The following SCLT1 variants were observed in gnomAD, a reference collection of about 807,000 sequenced individuals.
The protein encoded by SCLT1 is sodium channel-associated protein 1.
Under a neutral mutation model 112.8 loss-of-function variants are expected in SCLT1, and 78 were observed. The observed-to-expected ratio is 0.69, with a 90% CI of 0.58 to 0.83. The LOEUF (loss-of-function observed/expected upper bound fraction) is 0.83, where lower values mean the gene tolerates loss of function less well. Among genes scored for constraint, SCLT1 ranks in the 40% least tolerant of loss-of-function variants. The probability of loss-of-function intolerance (pLI) is 0.00; values close to 1 mark genes in which losing one functional copy is unlikely to be tolerated. For synonymous variants in SCLT1, 257 were observed against 254.7 expected (o/e 1.01, Z -0.09); for missense variants, 747 against 770.4 (o/e 0.97, Z 0.36).
At chr4:128,897,426 C>T (rs977299051) in intron 18 of SCLT1, among the ~76,000 whole-genome samples, 21 of 151,120 alleles carry the variant, frequency 1.4e-4, no homozygotes, top group Non-Finnish European at 2.5e-4. Context: ...CCAAACTAAG[C>T]TTCATAAGTG....
At chr4:128,961,077 T>G (rs1248365306) in intron 11 of SCLT1, among the ~76,000 whole-genome samples, 1 of 152,136 alleles carries the variant, frequency 6.6e-6, no homozygotes, top group African/African-American at 2.4e-5. Flanking sequence ...CACTAAAAAT[T>G]TAATACAGCT....
intron 13 of SCLT1, among the ~76,000 whole-genome samples, chr4:128,955,998 A>G (rs970093330): frequency 3.3e-5 from 5 of 152,182 alleles, no homozygotes; most frequent in Admixed American, 2.6e-4. Context: ...TCTGGGACTG[A>G]CTATGAGAGT....
intron 7 of SCLT1, among the ~76,000 whole-genome samples, chr4:128,998,494 C>T (rs1579641813): frequency 1.3e-5 from 2 of 151,632 alleles, no homozygotes; most frequent in South Asian, 2.1e-4. Flanking sequence ...AAATAGATAA[C>T]CAGGGAAAAA....
intron 18 of SCLT1, among the ~76,000 whole-genome samples, chr4:128,903,588 C>G (rs1734483663): frequency 6.6e-6 from 1 of 151,164 alleles, no homozygotes; most frequent in Non-Finnish European, 1.5e-5. Context: ...TTATATTCTT[C>G]TTTCTCCAAA....
chr4:128,949,144 T>A (rs577192288), intron 14 of SCLT1, among the ~76,000 whole-genome samples: 3 of 151,558 alleles, frequency 2.0e-5, no homozygotes, highest in Non-Finnish European at 4.4e-5. Context: ...AACAAAAAAA[T>A]CATAATTATT....
chr4:128,987,105 C>G (rs1026340892), intron 9 of SCLT1, among the ~76,000 whole-genome samples: 2 of 152,102 alleles, frequency 1.3e-5, no homozygotes, highest in African/African-American at 4.8e-5. Flanking sequence ...AGGAATGGTT[C>G]TGAAATGGCT....
intron 10 of SCLT1, among the ~76,000 whole-genome samples, 158 bp from the exon 11 acceptor site, chr4:128,965,476 T>C (rs949683580): frequency 6.6e-6 from 1 of 152,188 alleles, no homozygotes; most frequent in African/African-American, 2.4e-5. Flanking sequence ...AAACAAATCA[T>C]GTGTATAATA....
chr4:128,891,145 GA>G lies in SCLT1; in HGVS notation c.1830-9del. 1 of 1,600,192 alleles carries G rather than the reference GA, an allele frequency of 6.2e-7. No homozygotes were observed. Among genetic ancestry groups the G allele is most frequent in the Non-Finnish European group, 8.6e-7 (1 of 1,169,306 alleles). On this transcript the variant is annotated splice_polypyrimidine_tract_variant and intron_variant, in intron 18 of 20. Transcript: ENST00000281142. ...TGTCGACTCAGCTCACTCCTATTAA[GA>G]GCACCAAAAAATCCATTAATATAAT...
At chr4:128,911,276 T>C (rs187572824) in intron 18 of SCLT1, among the ~76,000 whole-genome samples, 54 of 152,188 alleles carry the variant, frequency 3.5e-4, no homozygotes, top group Non-Finnish European at 3.8e-4. Flanking sequence ...CAAAAAAATA[T>C]AATAAATAGG....
At chr4:129,008,580 T>C (rs904897341) in intron 5 of SCLT1, among the ~76,000 whole-genome samples, 1 of 152,244 alleles carries the variant, frequency 6.6e-6, no homozygotes, top group African/African-American at 2.4e-5. Flanking sequence ...TCCTGTTCTC[T>C]CTGGGATTCA....
intron 9 of SCLT1, among the ~76,000 whole-genome samples, chr4:128,981,485 G>T (rs966803530): frequency 1.3e-5 from 2 of 152,114 alleles, no homozygotes; most frequent in Non-Finnish European, 2.9e-5. Context: ...CTTTTAAGAT[G>T]TCTTTCCAGG....
intron 15 of SCLT1, among the ~76,000 whole-genome samples, chr4:128,947,367 G>C (rs1738260848): frequency 6.6e-6 from 1 of 152,178 alleles, no homozygotes; most frequent in South Asian, 2.1e-4. Context: ...CCTTGCAGGA[G>C]AGTGGTAACC....
In SCLT1 at chr4:128,884,318, C is replaced by T. The variant is rs1170066071; in HGVS notation, c.*159G>A. 3.8e-6 allele frequency: 2 copies of T among 532,500 alleles called. No homozygotes were observed. Among genetic ancestry groups the T allele is most frequent in the Admixed American group, 6.8e-5 (2 of 29,508 alleles). 33.0% of individuals were successfully genotyped at this position (532,500 alleles called of 1,614,324 possible). A position where few individuals can be genotyped will look rare whatever the true frequency, so the allele number is the denominator to read the frequency against. On this transcript the variant is annotated 3_prime_UTR_variant, in exon 21 of 21. Coordinates refer to ENST00000281142, the MANE Select transcript of SCLT1 (RefSeq NM_144643.4). ...TTTCTTTACTTACAGGAAGTGGTCA[C>T]TGCTCTGTTTTCCAATAACCCTCAA... is the stretch of plus-strand genomic sequence containing the variant.
Position 129,082,939 on chromosome 4 carries a change from C to T in SCLT1, c.35-566G>A, listed in dbSNP as rs187224924. Reference sequence around the variant, plus strand: ...AGGCCCGGTGACTCATGCCTGTAATCCTAGCACTTTGGGAGGCCGAGGCAG... The same window carrying T: ...AGGCCCGGTGACTCATGCCTGTAATTCTAGCACTTTGGGAGGCCGAGGCAG... On this transcript the variant is annotated intron_variant, in intron 1 of 20. Coordinates refer to ENST00000281142, the MANE Select transcript of SCLT1 (RefSeq NM_144643.4). 2.9e-3 allele frequency among the ~76,000 whole-genome samples: 439 copies of T among 152,056 alleles called. 2 individuals carry two copies. The highest frequency in any genetic ancestry group is 5.6e-3 in the Non-Finnish European group (379 of 67,984).
intron 2 of SCLT1, among the ~76,000 whole-genome samples, chr4:129,044,647 C>G (rs1248522322): frequency 6.6e-6 from 1 of 151,756 alleles, no homozygotes; most frequent in Non-Finnish European, 1.5e-5. Context: ...AAACATGGTA[C>G]TATAACATTA....
In SCLT1 at chr4:128,932,418, AT is replaced by A. The variant is rs1246418182; in HGVS notation, c.1829+4236del. On this transcript the variant is annotated intron_variant, in intron 18 of 20. Coordinates refer to ENST00000281142, the MANE Select transcript of SCLT1 (RefSeq NM_144643.4). ...CTATAGTTTTTGAGATCATTCTTTG[AT>A]TTTTTTCTAAAAAACATATTTCCTA... is the stretch of plus-strand genomic sequence containing the variant. Among the ~76,000 whole-genome samples, 4 of 152,084 alleles carry A rather than the reference AT, an allele frequency of 2.6e-5. No homozygotes were observed. The East Asian group carries it at 5.8e-4, about 22-fold the overall frequency.
chr4:129,049,072 C>G (rs1049540987), intron 2 of SCLT1, among the ~76,000 whole-genome samples: 1 of 151,820 alleles, frequency 6.6e-6, no homozygotes, highest in Non-Finnish European at 1.5e-5. Flanking sequence ...GTCAGTGTGG[C>G]GATTCCTCAG....
At chr4:129,089,909 T>C (rs1256773891) in intron 1 of SCLT1, among the ~76,000 whole-genome samples, 1 of 152,160 alleles carries the variant, frequency 6.6e-6, no homozygotes, top group African/African-American at 2.4e-5. Flanking sequence ...AAATACCTAA[T>C]GCAGGTGACG....
chr4:129,030,533 T>G (rs558501876), intron 5 of SCLT1, among the ~76,000 whole-genome samples: 27 of 152,096 alleles, frequency 1.8e-4, no homozygotes, highest in African/African-American at 6.5e-4. Context: ...GCTGGTTTTT[T>G]CAAAATATTA....
Sources: allele counts gnomAD v4.1 joint callset (sites outside exome capture counted in the v4.1 genomes callset), GRCh38; gene constraint gnomAD v4.1.1; transcripts MANE v1.5; gene names NCBI Gene and HGNC (gene_info 2026-07-23, HGNC 2026-07-21).